H4C15: variants seen among roughly 807,000 people sequenced by gnomAD.
H4C15 encodes the protein histone H4.
chr1:149,849,735 G>GT (rs1189455510), downstream of H4C15, among the ~76,000 whole-genome samples: 2 of 152,210 alleles, frequency 1.3e-5, no homozygotes, highest in African/African-American at 4.8e-5. Context: ...AGCGCAGAAG[G>GT]TTATCGGTGT....
chr1:149,847,859 T>G, the H4C15 span: 7 of 152,064 alleles, frequency 4.6e-5, no homozygotes, highest in Non-Finnish European at 1.0e-4. Flanking sequence ...GAGGTAGAGA[T>G]TACAGTTATG....
chr1:149,850,231 C>A, downstream of H4C15: 3 of 954,650 alleles, frequency 3.1e-6, no homozygotes, highest in Non-Finnish European at 4.9e-6. Context: ...TAAAGTTAAC[C>A]AGACGTGAAG....
At chr1:149,846,939 T>G in the H4C15 span, 1 of 152,244 alleles carries the variant, frequency 6.6e-6, no homozygotes, top group Admixed American at 6.5e-5. Flanking sequence ...ACAGTCATTC[T>G]CTTACAGTTT....
the H4C15 span, chr1:149,844,639 G>A: frequency 2.6e-5 from 4 of 152,066 alleles, no homozygotes; most frequent in East Asian, 1.9e-4. Context: ...ATACTGCGGC[G>A]TCCTGGTAGC....
chr1:149,847,369 G>A, the H4C15 span: 1 of 152,186 alleles, frequency 6.6e-6, no homozygotes, highest in Non-Finnish European at 1.5e-5. Context: ...GTTGAGTTGT[G>A]TCCCCCCGAA....
the H4C15 span, chr1:149,845,369 A>G: frequency 6.6e-6 from 1 of 152,208 alleles, no homozygotes; most frequent in Non-Finnish European, 1.5e-5. Context: ...GACTAAATGT[A>G]TATTATTCAG....
chr1:149,855,385 G>GTA (rs1491477480), downstream of H4C15, among the ~76,000 whole-genome samples: 2 of 4,720 alleles, frequency 4.2e-4, no homozygotes, highest in Non-Finnish European at 9.6e-4. Context: ...TGGGGGACAG[G>GTA]TGTGTGTGTG....
chr1:149,850,615 G>A (rs782366536), downstream of H4C15: 170 of 529,654 alleles, frequency 3.2e-4, 3 homozygotes, highest in South Asian at 3.4e-3. Context: ...ACCAGATGCC[G>A]GTGTCGGGGT....
downstream of H4C15, chr1:149,850,349 G>A: frequency 2.8e-6 from 2 of 706,722 alleles, no homozygotes; most frequent in Non-Finnish European, 4.7e-6. Context: ...GACCCGCGGA[G>A]GGAGGGAGGG....
downstream of H4C15, chr1:149,850,239 A>C: frequency 9.6e-7 from 1 of 1,044,738 alleles, no homozygotes; most frequent in Non-Finnish European, 1.4e-6. Context: ...ACCAGACGTG[A>C]AGCCAAAAAC....
downstream of H4C15, chr1:149,850,875 A>G (rs2092177021): frequency 2.3e-5 from 2 of 88,092 alleles, no homozygotes; most frequent in East Asian, 2.5e-4. Context: ...TGTGCGCATG[A>G]CGCTGCGTTA....
At chr1:149,850,255 C>G, downstream of H4C15, 2 of 1,174,756 alleles carry the variant, frequency 1.7e-6, no homozygotes, top group Non-Finnish European at 2.5e-6. Context: ...AAAACATCAA[C>G]TGGGACTGAC....
At chr1:149,845,005 A>T in the H4C15 span, 1 of 152,200 alleles carries the variant, frequency 6.6e-6, no homozygotes, top group African/African-American at 2.4e-5. Flanking sequence ...TTTAACAGCC[A>T]CCTGCATGGC....
At chr1:149,855,452 A>G (rs2092182616), downstream of H4C15, among the ~76,000 whole-genome samples, 1 of 140,398 alleles carries the variant, frequency 7.1e-6, no homozygotes, top group African/African-American at 2.6e-5. Context: ...GGTAAGAGAC[A>G]TGGCCACGTT....
the H4C15 span, chr1:149,847,958 C>T: frequency 6.6e-6 from 1 of 152,138 alleles, no homozygotes; most frequent in Non-Finnish European, 1.5e-5. Flanking sequence ...ATGGCCCTAC[C>T]AACACGTTGA....
the H4C15 span, chr1:149,844,650 C>G: frequency 6.6e-6 from 1 of 152,050 alleles, no homozygotes; most frequent in Non-Finnish European, 1.5e-5. Context: ...TCCTGGTAGC[C>G]CCTTGCTTTT....
At chr1:149,845,254 G>A in the H4C15 span, 1 of 152,170 alleles carries the variant, frequency 6.6e-6, no homozygotes, top group Non-Finnish European at 1.5e-5. Context: ...CGATAAGGGA[G>A]AAGAAAAGAA....
chr1:149,844,493 T>C, the H4C15 span: 3 of 151,940 alleles, frequency 2.0e-5, no homozygotes, highest in Non-Finnish European at 2.9e-5. Context: ...AAAAGTTTCA[T>C]TTAATCCTTT....
the H4C15 span, chr1:149,847,106 C>A: frequency 5.9e-5 from 9 of 152,266 alleles, no homozygotes. Flanking sequence ...AAGCAAGCAG[C>A]CTATTAATCT....
Sources: gnomAD v4.1 joint callset for allele counts (sites outside exome capture counted in the v4.1 genomes callset) on GRCh38, gnomAD v4.1.1 for gene constraint, MANE v1.5 for transcripts, NCBI Gene and HGNC (gene_info 2026-07-23, HGNC 2026-07-21) for gene names.